GSE1: variants seen among roughly 807,000 people sequenced by gnomAD.
The protein encoded by GSE1 is Gse1 coiled-coil protein.
A neutral mutation model predicts 112.6 loss-of-function variants in GSE1; 32 were observed. That is an observed-to-expected ratio of 0.28 (90% CI 0.21 to 0.38). The LOEUF (loss-of-function observed/expected upper bound fraction) is 0.38. Among genes scored for constraint, GSE1 ranks in the 10% least tolerant of loss-of-function variants. The probability of loss-of-function intolerance (pLI) is 1.00; values close to 1 mark genes in which losing one functional copy is unlikely to be tolerated. For synonymous variants in GSE1, 1,115 were observed against 735.6 expected, an observed-to-expected ratio of 1.52 and a Z score of -8.35; for missense variants, 2,348 against 1,699.2, an observed-to-expected ratio of 1.38 and a Z score of -6.71.
chr16:85,641,522 G>A (rs1210199421), intron 2 of GSE1, among the ~76,000 whole-genome samples: 4 of 152,256 alleles, frequency 2.6e-5, no homozygotes, highest in African/African-American at 9.6e-5. Context: ...TAGGGCGGCT[G>A]CTGCTACTTG....
At chr16:85,400,249 TTGTGTGTGTGTGTGTGTG>T (rs60393248) in intron 2 of GSE1, among the ~76,000 whole-genome samples, 3 of 150,482 alleles carry the variant, frequency 2.0e-5, no homozygotes, top group East Asian at 2.0e-4. Context: ...AAGTGTAGGG[TTGTGTGTGTGTGTGTGTG>T]TGTGTGTGTG....
chr16:85,563,162 A>ATCCTCCTCC (rs199727526), intron 1 of GSE1, among the ~76,000 whole-genome samples: 5 of 148,654 alleles, frequency 3.4e-5, no homozygotes, highest in East Asian at 2.0e-4. Flanking sequence ...TCCACATGGT[A>ATCCTCCTCC]TCCTCCTCCT....
chr16:85,389,873 ATGG>A (rs1187109726), intron 2 of GSE1, among the ~76,000 whole-genome samples: 5 of 152,194 alleles, frequency 3.3e-5, no homozygotes, highest in Non-Finnish European at 7.3e-5. Flanking sequence ...AAACAGCTGC[ATGG>A]CAGGTGGGCC....
At chr16:85,470,325 A>T (rs969211547) in intron 2 of GSE1, among the ~76,000 whole-genome samples, 7 of 152,084 alleles carry the variant, frequency 4.6e-5, no homozygotes, top group African/African-American at 1.7e-4. Context: ...CCCCTCAGTG[A>T]TCCAGCCGCA....
intron 2 of GSE1, among the ~76,000 whole-genome samples, chr16:85,366,581 T>A (rs928030145): frequency 6.6e-6 from 1 of 152,204 alleles, no homozygotes; most frequent in East Asian, 1.9e-4. Flanking sequence ...CTTGGAATAT[T>A]TAGCAGGGAC....
At chr16:85,463,220 C>A in intron 2 of GSE1, 3 of 522,598 alleles carry the variant, frequency 5.7e-6, no homozygotes, top group African/African-American at 2.1e-5. Context: ...TGGAACCTGG[C>A]CCCGCACTCA....
At chr16:85,606,423 G>A (rs1567640101), upstream of GSE1, among the ~76,000 whole-genome samples, 1 of 152,222 alleles carries the variant, frequency 6.6e-6, no homozygotes, top group Non-Finnish European at 1.5e-5. Flanking sequence ...CCCTGAACGC[G>A]GACCTGGTCA....
chr16:85,343,149 A>G (rs536478655), intron 1 of GSE1, among the ~76,000 whole-genome samples: 1 of 152,104 alleles, frequency 6.6e-6, no homozygotes, highest in Non-Finnish European at 1.5e-5. Context: ...GCGCGTCCAC[A>G]CTACGGCACG....
At chr16:85,500,856 G>A (rs754274160) in intron 2 of GSE1, among the ~76,000 whole-genome samples, 37 of 152,036 alleles carry the variant, frequency 2.4e-4, no homozygotes, top group East Asian at 1.9e-4. Context: ...ATCCTTCTTC[G>A]CCCCTTCCAG....
At chr16:85,360,138 G>A (rs576123775) in intron 2 of GSE1, among the ~76,000 whole-genome samples, 30 of 152,224 alleles carry the variant, frequency 2.0e-4, no homozygotes, top group South Asian at 1.2e-3. Flanking sequence ...TTGGGGATGG[G>A]GCTGGTCACT....
chr16:85,663,114 C>T lies in GSE1; in HGVS notation c.2373+21C>T, dbSNP rs12444813. 19,664 of 1,494,018 alleles carry T rather than the reference C, an allele frequency of 0.013. 1,007 individuals are homozygous for T. In the African/African-American group the frequency reaches 0.14, roughly 11 times the overall value. 92.5% of individuals were successfully genotyped at this position (1,494,018 alleles called of 1,614,324 possible). On this transcript the variant is annotated intron_variant, in intron 10 of 15. Coordinates refer to ENST00000253458, the MANE Select transcript of GSE1 (RefSeq NM_014615.5). ...CTGAGGTACTGGGCTCTCCTCCCCA[C>T]GGACATGCTCTGGGCTGGGCTCTCG...
chr16:85,522,358 C>G (rs1161126228), intron 2 of GSE1, among the ~76,000 whole-genome samples: 1 of 152,046 alleles, frequency 6.6e-6, no homozygotes, highest in Non-Finnish European at 1.5e-5. Flanking sequence ...CCCATAGCCC[C>G]CTGCCCCCAG....
chr16:85,326,403 C>T (rs750576537), intron 1 of GSE1, among the ~76,000 whole-genome samples: 5 of 152,184 alleles, frequency 3.3e-5, no homozygotes, highest in East Asian at 1.9e-4. Context: ...ATGGTTTGGC[C>T]GTGACCCCAC....
intron 2 of GSE1, among the ~76,000 whole-genome samples, chr16:85,371,027 C>T (rs1597509900): frequency 6.6e-6 from 1 of 152,214 alleles, no homozygotes; most frequent in Non-Finnish European, 1.5e-5. Context: ...CACACCCTCG[C>T]GCTCTCTTCT....
chr16:85,260,601 G>GC (rs1907586541), intron 1 of GSE1, among the ~76,000 whole-genome samples: 1 of 152,142 alleles, frequency 6.6e-6, no homozygotes, highest in South Asian at 2.1e-4. Context: ...GGGATTATAG[G>GC]CATGAGCCAC....
intron 1 of GSE1, among the ~76,000 whole-genome samples, chr16:85,353,507 C>A (rs2046892032): frequency 6.6e-6 from 1 of 151,808 alleles, no homozygotes; most frequent in Non-Finnish European, 1.5e-5. Flanking sequence ...TAGTTGCTGA[C>A]ACTTCATCAT....
chr16:85,381,501 T>C (rs988181313), intron 2 of GSE1, among the ~76,000 whole-genome samples: 2 of 152,206 alleles, frequency 1.3e-5, no homozygotes, highest in African/African-American at 4.8e-5. Context: ...GGCCACGGTA[T>C]CCTTTTCATT....
At chr16:85,403,278 C>T (rs1789285261) in intron 2 of GSE1, among the ~76,000 whole-genome samples, 1 of 152,138 alleles carries the variant, frequency 6.6e-6, no homozygotes, top group Admixed American at 6.5e-5. Context: ...GAAGCGAGCC[C>T]CCTCACCTGT....
intron 1 of GSE1, among the ~76,000 whole-genome samples, chr16:85,228,379 A>T (rs1175799872): frequency 6.6e-6 from 1 of 152,082 alleles, no homozygotes; most frequent in Non-Finnish European, 1.5e-5. Context: ...GATAGGAGGG[A>T]GAGGGCAAAG....
Sources: allele counts gnomAD v4.1 joint callset (sites outside exome capture counted in the v4.1 genomes callset), GRCh38; gene constraint gnomAD v4.1.1; transcripts MANE v1.5; gene names NCBI Gene and HGNC (gene_info 2026-07-23, HGNC 2026-07-21).